ANKH: variants seen among roughly 807,000 people sequenced by gnomAD.
ANKH encodes the protein mineralization regulator ANKH.
In ANKH, 15 loss-of-function variants were observed where a neutral mutation model predicts 49.0. The observed-to-expected ratio is 0.31, with a 90% CI of 0.20 to 0.47. ANKH has a LOEUF of 0.47. Ranked by LOEUF, ANKH falls within the 20% of genes least tolerant of loss-of-function variation. The pLI is 1.00. For synonymous variants in ANKH, 273 were observed against 260.0 expected (o/e 1.05, Z -0.48); for missense variants, 429 against 652.0 (o/e 0.66, Z 3.72).
chr5:14,858,528 C>T (rs969978243), intron 1 of ANKH, among the ~76,000 whole-genome samples: 6 of 152,076 alleles, frequency 3.9e-5, no homozygotes, highest in Admixed American at 6.5e-5. Context: ...TAAGCCTGGC[C>T]AGCATGGCGA....
chr5:14,852,338 G>C (rs774540127), intron 1 of ANKH, among the ~76,000 whole-genome samples: 4 of 152,132 alleles, frequency 2.6e-5, no homozygotes, highest in Non-Finnish European at 5.9e-5. Flanking sequence ...AAGGAAACAT[G>C]ATATGGAAGC....
chr5:14,719,145 A>G (rs1357488763), intron 8 of ANKH, among the ~76,000 whole-genome samples: 2 of 152,236 alleles, frequency 1.3e-5, no homozygotes, highest in African/African-American at 4.8e-5. Flanking sequence ...ACAACTGGGG[A>G]CACAGCTTCC....
intron 1 of ANKH, among the ~76,000 whole-genome samples, chr5:14,772,411 C>T (rs1266896796): frequency 1.3e-5 from 2 of 152,136 alleles, no homozygotes; most frequent in African/African-American, 4.8e-5. Flanking sequence ...ATTTTTCTGA[C>T]TCGGTATTAT....
intron 6 of ANKH, among the ~76,000 whole-genome samples, chr5:14,746,290 CTTTTTTT>C (rs3086709): frequency 6.9e-6 from 1 of 144,376 alleles, no homozygotes; most frequent in Non-Finnish European, 1.5e-5. Flanking sequence ...GCCAAGATTC[CTTTTTTT>C]TTTTTTTCCT....
intron 8 of ANKH, among the ~76,000 whole-genome samples, chr5:14,727,433 C>G (rs994402319): frequency 3.3e-5 from 5 of 151,460 alleles, no homozygotes; most frequent in Admixed American, 6.6e-5. Flanking sequence ...CAAATGCACA[C>G]ACTACATGAA....
intron 4 of ANKH, 95 bp downstream of exon 4, chr5:14,755,766 T>G (rs919254972): frequency 1.7e-6 from 2 of 1,157,714 alleles, no homozygotes; most frequent in Admixed American, 1.7e-5. Context: ...GAATGCAGAG[T>G]GTACTGCACA....
chr5:14,731,904 G>A (rs1053277031), intron 8 of ANKH, among the ~76,000 whole-genome samples: 2 of 152,216 alleles, frequency 1.3e-5, no homozygotes, highest in Non-Finnish European at 2.9e-5. Context: ...GGCAACGTGG[G>A]GAGAGACGAG....
intron 1 of ANKH, among the ~76,000 whole-genome samples, chr5:14,811,634 T>G (rs949010827): frequency 2.0e-5 from 3 of 152,230 alleles, no homozygotes; most frequent in Non-Finnish European, 4.4e-5. Flanking sequence ...TGATTTTTAG[T>G]TTCCTAACAT....
Position 14,867,335 on chromosome 5 carries a change from C to T in ANKH, c.96+4017G>A, listed in dbSNP as rs1347161424. Among the ~76,000 whole-genome samples the T allele has an allele frequency of 2.0e-5, 3 of 152,184 alleles. No homozygotes were observed. In the East Asian group the frequency reaches 5.8e-4, roughly 29 times the overall value. On this transcript the variant is annotated intron_variant, in intron 1 of 11. Transcript: ENST00000284268. ...CATCTTGAACAAGTACCTTAACAAG[C>T]GTAGGCCTCTCATTGTTTCCTCATA...
chr5:14,743,400 C>T (rs578061806), intron 7 of ANKH, among the ~76,000 whole-genome samples: 1 of 152,220 alleles, frequency 6.6e-6, no homozygotes, highest in South Asian at 2.1e-4. Flanking sequence ...CAAAATGGCA[C>T]ATATTCACAT....
At chr5:14,795,289 A>G (rs1011478997) in intron 1 of ANKH, among the ~76,000 whole-genome samples, 2 of 152,236 alleles carry the variant, frequency 1.3e-5, no homozygotes, top group African/African-American at 4.8e-5. Context: ...GTAAAATCCA[A>G]TTGTGACCTA....
In ANKH at chr5:14,751,125, C is replaced by T. The variant is rs150656532; in HGVS notation, c.631G>A (p.Gly211Ser). ...ALVRCTTLCLGYYKNIHDIIP... is the reference protein window; with the variant it reads ...ALVRCTTLCLSYYKNIHDIIP... Reference sequence around the variant, plus strand: ...ATGTCGTGAATGTTCTTGTAGTAGCCCAGGCACAGGGTGGTGCAGCGCACA... The same window carrying T: ...ATGTCGTGAATGTTCTTGTAGTAGCTCAGGCACAGGGTGGTGCAGCGCACA... The change falls in exon 5 of 12, where the codon GGC (glycine) becomes AGC (serine). Residue 211 changes from glycine (G) to serine (S), a missense_variant. Gly to Ser is a moderately conservative substitution (Grantham distance 56). Around this residue, in one of 2 missense-constraint regions of ANKH, gnomAD observed 378 missense variants for 615.3 expected, o/e 0.61. Transcript: ENST00000284268. 5.6e-6 allele frequency: 9 copies of T among 1,614,092 alleles called. No individual in the cohort carries two copies. The African/African-American group carries it at 1.1e-4, about 19-fold the overall frequency.
At chr5:14,832,954 T>C (rs1741545743) in intron 1 of ANKH, among the ~76,000 whole-genome samples, 1 of 152,226 alleles carries the variant, frequency 6.6e-6, no homozygotes, top group Non-Finnish European at 1.5e-5. Flanking sequence ...AACTAAAAAG[T>C]AGCTAGTCAC....
chr5:14,867,794 C>T (rs1010851914), intron 1 of ANKH, among the ~76,000 whole-genome samples: 1 of 152,172 alleles, frequency 6.6e-6, no homozygotes, highest in African/African-American at 2.4e-5. Flanking sequence ...CTCCTGACCT[C>T]ATGATCCACC....
At chr5:14,718,376 G>GA (rs1737550040) in intron 8 of ANKH, among the ~76,000 whole-genome samples, 1 of 151,294 alleles carries the variant, frequency 6.6e-6, no homozygotes, top group African/African-American at 2.4e-5. Flanking sequence ...CAAAACTATG[G>GA]AAAAAACTAC....
chr5:14,749,406 C>T, intron 5 of ANKH, 100 bp from the exon 6 acceptor site: 2 of 1,293,780 alleles, frequency 1.5e-6, no homozygotes, highest in Non-Finnish European at 2.2e-6. Flanking sequence ...TAATCACAAG[C>T]CAATTCACTA....
intron 1 of ANKH, among the ~76,000 whole-genome samples, chr5:14,786,955 A>C (rs25946): frequency 0.45 from 69,021 of 152,030 alleles, 15,995 homozygotes; most frequent in East Asian, 0.73. Context: ...ATTATGGTTC[A>C]TCCAGAGGGC....
intron 8 of ANKH, among the ~76,000 whole-genome samples, chr5:14,731,720 G>C (rs74481145): frequency 0.026 from 3,974 of 152,344 alleles, 166 homozygotes; most frequent in African/African-American, 0.09. Context: ...CCCAGTCCTT[G>C]ACTGGAGCTT....
chr5:14,823,997 A>G (rs28705919), intron 1 of ANKH, among the ~76,000 whole-genome samples: 2,293 of 152,252 alleles, frequency 0.015, 46 homozygotes, highest in African/African-American at 0.053. Flanking sequence ...AACAGGCAGC[A>G]GACAGAAACC....
Sources: allele counts gnomAD v4.1 joint callset (sites outside exome capture counted in the v4.1 genomes callset), GRCh38; gene constraint gnomAD v4.1.1; regional missense constraint gnomAD v4.1.1; transcripts MANE v1.5; gene names NCBI Gene and HGNC (gene_info 2026-07-23, HGNC 2026-07-21).